Variants in ABHD17B observed in about 807,000 individuals in gnomAD.
ABHD17B encodes the protein abhydrolase domain containing 17B, depalmitoylase.
Under a neutral mutation model 26.2 loss-of-function variants are expected in ABHD17B, and 9 were observed. The observed-to-expected ratio is 0.34, with a 90% CI of 0.21 to 0.60. The LOEUF (loss-of-function observed/expected upper bound fraction) is 0.60, where lower values mean the gene tolerates loss of function less well. Ranked by LOEUF, ABHD17B falls within the 20% of genes least tolerant of loss-of-function variation. The pLI, the probability that ABHD17B is intolerant of heterozygous loss-of-function variation, is 0.80. For missense variants in ABHD17B, 224 were observed against 352.1 expected (o/e 0.64, Z 2.91); for synonymous variants, 127 against 122.3 (o/e 1.04, Z -0.25).
At chr9:71,869,058 T>C (rs117510712) in intron 3 of ABHD17B, among the ~76,000 whole-genome samples, 15 of 152,274 alleles carry the variant, frequency 9.9e-5, no homozygotes, top group Non-Finnish European at 1.8e-4. Context: ...GATGGAGACA[T>C]AAGTTGACAA....
intron 1 of ABHD17B, among the ~76,000 whole-genome samples, chr9:71,910,090 C>A (rs1343127014): frequency 6.6e-6 from 1 of 152,004 alleles, no homozygotes; most frequent in Non-Finnish European, 1.5e-5. Context: ...AGAAAAAGAA[C>A]CCTACGACAG....
chr9:71,906,987 T>C (rs1301215357), intron 1 of ABHD17B, among the ~76,000 whole-genome samples: 2 of 152,230 alleles, frequency 1.3e-5, no homozygotes, highest in African/African-American at 4.8e-5. Flanking sequence ...ATTACTTTAT[T>C]ACAATTTTTT....
In ABHD17B at chr9:71,867,101, A is replaced by G. The variant is rs112162987; in HGVS notation, c.648-95T>C. ...ATCAGACAGATAATTCAAATATGAG[A>G]ATTGTATGAATCAGTTCAGAAGGTA... On this transcript the variant is annotated intron_variant, in intron 3 of 3. Coordinates refer to ENST00000333421, the MANE Select transcript of ABHD17B (RefSeq NM_001025780.3). The G allele has an allele frequency of 1.9e-3, 2,635 of 1,412,202 alleles. 41 individuals are homozygous for G. In the African/African-American group the frequency reaches 0.033, roughly 18 times the overall value. The allele number at this position is 1,412,202 out of a possible 1,614,324, so 87.5% of individuals were successfully genotyped here. A position where few individuals can be genotyped will look rare whatever the true frequency, so the allele number is the denominator to read the frequency against.
At chr9:71,905,079 A>G (rs867393896) in intron 1 of ABHD17B, among the ~76,000 whole-genome samples, 4 of 152,190 alleles carry the variant, frequency 2.6e-5, no homozygotes, top group Non-Finnish European at 5.9e-5. Flanking sequence ...TCATTAAAAG[A>G]CAACATATTT....
Position 71,866,223 on chromosome 9 carries a change from T to TAATC in ABHD17B, c.*560_*563dup, listed in dbSNP as rs1425270280. ...ATCTTTTTTAAAGGATAAATGTATG[T>TAATC]AATCAGAGTATACAGAAAATTCAAT... On this transcript the variant is annotated 3_prime_UTR_variant, in exon 4 of 4. Transcript: ENST00000333421. 2.3e-5 allele frequency: 23 copies of TAATC among 980,324 alleles called. No individual in the cohort carries two copies. Among genetic ancestry groups the TAATC allele is most frequent in the Non-Finnish European group, 2.8e-5 (23 of 824,968 alleles). The allele number at this position is 980,324 out of a possible 1,614,324, so 60.7% of individuals were successfully genotyped here. A position where few individuals can be genotyped will look rare whatever the true frequency, so the allele number is the denominator to read the frequency against.
At chr9:71,875,218 G>A in intron 1 of ABHD17B, 135 bp from the exon 2 acceptor site, 1 of 692,880 alleles carries the variant, frequency 1.4e-6, no homozygotes, top group Admixed American at 3.6e-5. Context: ...ATTCCAAACA[G>A]ATTTTTGGCT....
At chr9:71,899,931 T>C (rs926577791) in intron 1 of ABHD17B, among the ~76,000 whole-genome samples, 3 of 152,030 alleles carry the variant, frequency 2.0e-5, no homozygotes, top group Admixed American at 6.6e-5. Context: ...TAAATGACAT[T>C]TCTAAAAGAA....
chr9:71,867,082 C>T, intron 3 of ABHD17B, 76 bp from the exon 4 acceptor site: 1 of 1,471,612 alleles, frequency 6.8e-7, no homozygotes, highest in Non-Finnish European at 9.3e-7. Flanking sequence ...CTATATCAGA[C>T]AGATAATTCA....
chr9:71,900,639 G>A (rs1240404283), intron 1 of ABHD17B, among the ~76,000 whole-genome samples: 1 of 120,942 alleles, frequency 8.3e-6, no homozygotes, highest in African/African-American at 3.2e-5. Flanking sequence ...GCGACAGAGT[G>A]AGACTCCATC....
downstream of ABHD17B, chr9:71,862,566 T>C (rs770232476): frequency 5.1e-6 from 8 of 1,579,786 alleles, no homozygotes; most frequent in East Asian, 2.2e-5. Flanking sequence ...TTGAAAACTG[T>C]AGACCTTGAG....
At chr9:71,900,212 GAAC>G (rs750662399) in intron 1 of ABHD17B, among the ~76,000 whole-genome samples, 1 of 152,148 alleles carries the variant, frequency 6.6e-6, no homozygotes, top group Non-Finnish European at 1.5e-5. Context: ...AAAACAGAAA[GAAC>G]AACTCAAAAT....
At chr9:71,882,586 A>G (rs534628766) in intron 1 of ABHD17B, among the ~76,000 whole-genome samples, 1 of 151,734 alleles carries the variant, frequency 6.6e-6, no homozygotes, top group East Asian at 2.0e-4. Flanking sequence ...TGAACTCGGG[A>G]GGCGGAGGTT....
intron 1 of ABHD17B, among the ~76,000 whole-genome samples, chr9:71,883,850 T>C (rs1350341465): frequency 6.6e-6 from 1 of 151,868 alleles, no homozygotes; most frequent in Non-Finnish European, 1.5e-5. Context: ...GGCAGAAGAA[T>C]CACTTGAGCC....
intron 1 of ABHD17B, among the ~76,000 whole-genome samples, chr9:71,877,732 C>A (rs1826321103): frequency 6.6e-6 from 1 of 152,176 alleles, no homozygotes. Flanking sequence ...AACTTTCATA[C>A]ACTATAATAA....
In ABHD17B at chr9:71,895,824, G is replaced by A. The variant is rs370728977; in HGVS notation, c.-4+14810C>T. 1.5e-4 allele frequency among the ~76,000 whole-genome samples: 23 copies of A among 152,240 alleles called. 1 individual carries two copies. The highest frequency in any genetic ancestry group is 7.2e-4 in the Admixed American group (11 of 15,296). Reference sequence around the variant, plus strand: ...TGCAAAATCACTTAATGTGCCAACAGCTTGGGGTCAAGCCTAAAAATTACT... The same window carrying A: ...TGCAAAATCACTTAATGTGCCAACAACTTGGGGTCAAGCCTAAAAATTACT... On this transcript the variant is annotated intron_variant, in intron 1 of 3. Coordinates refer to ENST00000333421, the MANE Select transcript of ABHD17B (RefSeq NM_001025780.3).
chr9:71,883,411 A>G (rs1826509237), intron 1 of ABHD17B, among the ~76,000 whole-genome samples: 1 of 152,222 alleles, frequency 6.6e-6, no homozygotes, highest in Admixed American at 6.5e-5. Flanking sequence ...GAATGGGACT[A>G]GGGATTGACA....
intron 1 of ABHD17B, among the ~76,000 whole-genome samples, chr9:71,888,098 T>G (rs1213645809): frequency 6.6e-6 from 1 of 152,242 alleles, no homozygotes. Context: ...AACAGTATCC[T>G]AAACACTTAC....
Position 71,865,318 on chromosome 9 carries a change from GTAT to G in ABHD17B, c.*1466_*1468del. ...AGGCCTTAAAATATATCCACAGTGT[GTAT>G]TATTTCCATATTCATTCATTTACAA... is the stretch of plus-strand genomic sequence containing the variant. On this transcript the variant is annotated 3_prime_UTR_variant, in exon 4 of 4. Transcript: ENST00000333421. 1.0e-6 allele frequency: 1 copy of G among 985,052 alleles called. No individual in the cohort carries two copies. Among genetic ancestry groups the G allele is most frequent in the East Asian group, 1.1e-4 (1 of 8,806 alleles). The allele number at this position is 985,052 out of a possible 1,614,324, so 61.0% of individuals were successfully genotyped here.
chr9:71,873,602 T>C (rs1423518445), intron 2 of ABHD17B, among the ~76,000 whole-genome samples: 1 of 152,154 alleles, frequency 6.6e-6, no homozygotes, highest in Non-Finnish European at 1.5e-5. Context: ...TTCACCATCT[T>C]GGCCAGGCTG....
Sources: allele counts gnomAD v4.1 joint callset (sites outside exome capture counted in the v4.1 genomes callset), GRCh38; gene constraint gnomAD v4.1.1; transcripts MANE v1.5; gene names NCBI Gene and HGNC (gene_info 2026-07-23, HGNC 2026-07-21).